VPS13D: variants seen among roughly 807,000 people sequenced by gnomAD.
The protein encoded by VPS13D is intermembrane lipid transfer protein VPS13D.
In VPS13D, 187 loss-of-function variants were observed where a neutral mutation model predicts 461.9. That is an observed-to-expected ratio of 0.40 (90% confidence interval 0.36 to 0.46). The LOEUF is 0.46. VPS13D is among the 20% of genes least tolerant of loss of function. VPS13D has a pLI of 0.60. For synonymous variants in VPS13D, 1,951 were observed against 1,986.3 expected, an observed-to-expected ratio of 0.98 and a Z score of 0.47; for missense variants, 4,711 against 5,364.9, an observed-to-expected ratio of 0.88 and a Z score of 3.81.
At chr1:12,483,235 C>T (rs989281034) in intron 67 of VPS13D, among the ~76,000 whole-genome samples, 1 of 152,220 alleles carries the variant, frequency 6.6e-6, no homozygotes, top group African/African-American at 2.4e-5. Context: ...TCAAGAATTA[C>T]ATGAAGTAGC....
intron 49 of VPS13D, among the ~76,000 whole-genome samples, chr1:12,357,776 G>A (rs763791092): frequency 8.0e-4 from 122 of 152,124 alleles, no homozygotes; most frequent in Non-Finnish European, 1.4e-3. Context: ...TTGGGAGACC[G>A]AGGCGTATCC....
chr1:12,424,179 G>C (rs998646552), intron 65 of VPS13D, among the ~76,000 whole-genome samples: 2 of 152,148 alleles, frequency 1.3e-5, no homozygotes, highest in Non-Finnish European at 2.9e-5. Context: ...CTTTCCCTTA[G>C]AGAATGTAAG....
chr1:12,254,478 T>A (rs1355249474), intron 7 of VPS13D, among the ~76,000 whole-genome samples: 1 of 149,128 alleles, frequency 6.7e-6, no homozygotes, highest in African/African-American at 2.6e-5. Context: ...TCATCAGATA[T>A]ATTATTGTTT....
chr1:12,258,198 G>T lies in VPS13D; in HGVS notation c.1110+95G>T, dbSNP rs908467085. On this transcript the variant is annotated intron_variant, in intron 10 of 69. Coordinates refer to ENST00000620676, the MANE Select transcript of VPS13D (RefSeq NM_015378.4). ...AAAATGGGATCTGTGAAGTAATAAA[G>T]TCCCATGCCAAAGGGGCTAAATTTT... 2.0e-5 allele frequency: 29 copies of T among 1,473,160 alleles called. No individual in the cohort carries two copies. The African/African-American group carries it at 3.4e-4, about 17-fold the overall frequency. The allele number at this position is 1,473,160 out of a possible 1,614,324, so 91.3% of individuals were successfully genotyped here. A position where few individuals can be genotyped will look rare whatever the true frequency, so the allele number is the denominator to read the frequency against.
intron 16 of VPS13D, 119 bp from the exon 17 acceptor site, chr1:12,270,875 C>T: frequency 7.5e-7 from 1 of 1,328,920 alleles, no homozygotes; most frequent in Non-Finnish European, 1.0e-6. Flanking sequence ...CCACCATGCC[C>T]AGCCTGATTT....
chr1:12,389,227 G>A lies in VPS13D; in HGVS notation c.11634+2893G>A, dbSNP rs555594883. 9.7e-4 allele frequency among the ~76,000 whole-genome samples: 147 copies of A among 152,270 alleles called. 1 individual carries two copies. Among genetic ancestry groups the A allele is most frequent in the African/African-American group, 3.1e-3 (128 of 41,566 alleles). The stretch of plus-strand genomic sequence containing the variant: ...TTAGATTGCACCCACCAGATTAAGG[G>A]TGGATCTGCCTTTCCCAGCCCACTG... On this transcript the variant is annotated intron_variant, in intron 60 of 69. Transcript: ENST00000620676.
intron 65 of VPS13D, among the ~76,000 whole-genome samples, chr1:12,432,164 C>T (rs1237428791): frequency 2.0e-5 from 3 of 152,150 alleles, no homozygotes; most frequent in South Asian, 4.2e-4. Context: ...GAGGCTGAGG[C>T]GGGCGGATAA....
At chr1:12,309,644 C>T (rs1642675943) in intron 27 of VPS13D, among the ~76,000 whole-genome samples, 1 of 151,180 alleles carries the variant, frequency 6.6e-6, no homozygotes. Flanking sequence ...TGCCTGTAAT[C>T]CCAGCTACCG....
At chr1:12,346,197 G>A (rs796979613) in intron 43 of VPS13D, among the ~76,000 whole-genome samples, 6 of 152,254 alleles carry the variant, frequency 3.9e-5, no homozygotes, top group African/African-American at 1.4e-4. Flanking sequence ...CTTTCTTCAT[G>A]AAAAATATTC....
intron 29 of VPS13D, among the ~76,000 whole-genome samples, chr1:12,313,095 A>C (rs1642799555): frequency 6.6e-6 from 1 of 152,134 alleles, no homozygotes; most frequent in Admixed American, 6.5e-5. Flanking sequence ...GACTAGCTTA[A>C]GGTCGTATGA....
chr1:12,290,951 G>C, intron 22 of VPS13D, 47 bp from the exon 23 acceptor site: 4 of 1,537,776 alleles, frequency 2.6e-6, no homozygotes, highest in Non-Finnish European at 3.5e-6. Flanking sequence ...TAAGTTGTGT[G>C]ACAAAAAAGG....
At chr1:12,379,085 C>T (rs1402106078) in intron 56 of VPS13D, among the ~76,000 whole-genome samples, 1 of 152,020 alleles carries the variant, frequency 6.6e-6, no homozygotes, top group African/African-American at 2.4e-5. Context: ...TACCTTATTT[C>T]CAGAAAAACT....
Position 12,505,960 on chromosome 1 carries a change from C to G in VPS13D, c.12795-893C>G, listed in dbSNP as rs114466933. 2.4e-4 allele frequency among the ~76,000 whole-genome samples: 36 copies of G among 152,352 alleles called. No homozygotes were observed. The highest frequency in any genetic ancestry group is 8.4e-4 in the African/African-American group (35 of 41,588). ...TCTGGACCCAGGTTTCAGAACACTT[C>G]CAGGTGGAGCCTGGCTCTGAGCAAT... On this transcript the variant is annotated intron_variant, in intron 68 of 69. Coordinates refer to ENST00000620676, the MANE Select transcript of VPS13D (RefSeq NM_015378.4). This position sits in a 1 kb window ranked among gnomAD's most constrained non-coding sequence, Gnocchi z 4.2.
At chr1:12,265,879 C>T (rs1641252817) in intron 13 of VPS13D, among the ~76,000 whole-genome samples, 1 of 152,176 alleles carries the variant, frequency 6.6e-6, no homozygotes. Flanking sequence ...CAACCCAAGG[C>T]TGGGCGTGGT....
intron 1 of VPS13D, among the ~76,000 whole-genome samples, chr1:12,230,495 C>G (rs186806334): frequency 2.7e-4 from 41 of 152,226 alleles, no homozygotes; most frequent in Non-Finnish European, 5.1e-4. Context: ...GCCTGGCGCC[C>G]TGGAATTGGG....
intron 63 of VPS13D, chr1:12,407,276 A>C (rs1341663487): frequency 6.6e-6 from 1 of 152,254 alleles, no homozygotes; most frequent in Non-Finnish European, 1.5e-5. Context: ...TGCAGGATAA[A>C]CTAAGAAAGG....
chr1:12,274,751 G>A (rs1641556803), intron 18 of VPS13D, among the ~76,000 whole-genome samples: 1 of 152,228 alleles, frequency 6.6e-6, no homozygotes, highest in Non-Finnish European at 1.5e-5. Flanking sequence ...GGAAGACTGT[G>A]TTGACCAAGA....
chr1:12,335,764 A>T lies in VPS13D; in HGVS notation c.8488A>T (p.Ile2830Leu). ...MADYCKDDKDIESAKSEDWMG... is the reference protein window; with the variant it reads ...MADYCKDDKDLESAKSEDWMG... The stretch of plus-strand genomic sequence containing the variant: ...AGATTACTGTAAAGATGACAAGGAC[A>T]TAGAGTCAGCTAAATCAGAAGACTG... The change falls in exon 39 of 70, where the codon ATA becomes TTA. Residue 2830 changes from isoleucine to leucine, a missense_variant. By Grantham distance (5) the Ile-to-Leu change is conservative (BLOSUM62 2). Coordinates refer to ENST00000620676, the MANE Select transcript of VPS13D (RefSeq NM_015378.4). 1 of 1,614,214 alleles carries T rather than the reference A, an allele frequency of 6.2e-7. No homozygotes were observed. Among genetic ancestry groups the T allele is most frequent in the Admixed American group, 1.7e-5 (1 of 60,030 alleles).
chr1:12,381,173 A>G (rs1344237155), intron 57 of VPS13D, among the ~76,000 whole-genome samples: 2 of 152,212 alleles, frequency 1.3e-5, no homozygotes, highest in Non-Finnish European at 2.9e-5. Context: ...TTTCAATCTT[A>G]TTATGCTGAA....
Sources: gnomAD v4.1 joint callset for allele counts (sites outside exome capture counted in the v4.1 genomes callset) on GRCh38, gnomAD v4.1.1 for gene constraint, Gnocchi (gnomAD v3.1) non-coding constraint, MANE v1.5 for transcripts, NCBI Gene and HGNC (gene_info 2026-07-23, HGNC 2026-07-21) for gene names.